SEC14L1: variants seen among roughly 807,000 people sequenced by gnomAD.
SEC14L1 encodes the protein SEC14-like protein 1.
In SEC14L1, 48 loss-of-function variants were observed where a neutral mutation model predicts 85.3. That is an observed-to-expected ratio of 0.56 (90% CI 0.45 to 0.72). The LOEUF is 0.72. Among genes scored for constraint, SEC14L1 ranks in the 30% least tolerant of loss-of-function variants. The pLI, the probability that SEC14L1 is intolerant of heterozygous loss-of-function variation, is 0.00. For synonymous variants in SEC14L1, 391 were observed against 355.5 expected (o/e 1.10, Z -1.12); for missense variants, 682 against 921.4 (o/e 0.74, Z 3.36).
At chr17:77,117,924 T>G (rs949737089) in intron 3 of SEC14L1, among the ~76,000 whole-genome samples, 4 of 150,972 alleles carry the variant, frequency 2.6e-5, no homozygotes, top group Non-Finnish European at 4.4e-5. Context: ...ATCCCTCACC[T>G]CCCCCTACAC....
At chr17:77,145,053 T>G (rs1382143094) in intron 3 of SEC14L1, 1 of 152,036 alleles carries the variant, frequency 6.6e-6, no homozygotes. Flanking sequence ...CGATTACAGG[T>G]GCCTGCCCCC....
At position 77,214,399 on chromosome 17, in the gene SEC14L1, C is replaced by T; in HGVS notation, c.*376C>T. ...ATTAGTGAATGAATTCCTGTGACAT[C>T]CTCCAGAGATGGCCCCTCCTCACCT... On this transcript the variant is annotated 3_prime_UTR_variant, in exon 17 of 17. Coordinates refer to ENST00000436233, the MANE Select transcript of SEC14L1 (RefSeq NM_001143998.2). 3.0e-6 allele frequency: 3 copies of T among 1,006,154 alleles called. No homozygotes were observed. The highest frequency in any genetic ancestry group is 4.1e-5 in the South Asian group (1 of 24,324). The allele number at this position is 1,006,154 out of a possible 1,614,324, so 62.3% of individuals were successfully genotyped here.
Position 77,206,987 on chromosome 17 carries a change from T to A in SEC14L1, c.1476+125T>A, listed in dbSNP as rs771802190. On this transcript the variant is annotated intron_variant, in intron 13 of 16. Transcript: ENST00000436233. The surrounding 1 kb of genome is among the most constrained non-coding windows in gnomAD (Gnocchi z 4.3). ...GGATGTTTTGTTTTTGTTTTGTTTC[T>A]TTTGGCCGCCATTTCTCTGATCCAG... 1.0e-4 allele frequency: 108 copies of A among 1,040,344 alleles called. 1 individual carries two copies. Among genetic ancestry groups the A allele is most frequent in the Middle Eastern group, 9.5e-4 (4 of 4,214 alleles). 64.4% of individuals were successfully genotyped at this position (1,040,344 alleles called of 1,614,324 possible). A position where few individuals can be genotyped will look rare whatever the true frequency, so the allele number is the denominator to read the frequency against.
chr17:77,211,871 C>G (rs925770525), intron 14 of SEC14L1, 79 bp from the exon 15 acceptor site: 1 of 1,563,080 alleles, frequency 6.4e-7, no homozygotes. Flanking sequence ...CCCTGGATCC[C>G]CTGGAGAGCA....
At chr17:77,133,256 A>C (rs905812717) in intron 3 of SEC14L1, among the ~76,000 whole-genome samples, 1 of 151,866 alleles carries the variant, frequency 6.6e-6, no homozygotes, top group Non-Finnish European at 1.5e-5. Context: ...AATTTCAGTG[A>C]CTCCTGATAT....
intron 3 of SEC14L1, among the ~76,000 whole-genome samples, chr17:77,180,883 A>G (rs1975004338): frequency 6.6e-6 from 1 of 152,204 alleles, no homozygotes. Context: ...ATGCAATTTG[A>G]AACCTCGGTT....
At chr17:77,168,750 G>A (rs1208502667) in intron 3 of SEC14L1, among the ~76,000 whole-genome samples, 1 of 152,094 alleles carries the variant, frequency 6.6e-6, no homozygotes, top group Non-Finnish European at 1.5e-5. Context: ...TTTTCCCAGG[G>A]CATTTGGCTG....
intron 3 of SEC14L1, among the ~76,000 whole-genome samples, chr17:77,119,457 GTTAAA>G (rs953730219): frequency 6.6e-6 from 1 of 152,104 alleles, no homozygotes; most frequent in African/African-American, 2.4e-5. Context: ...CCTCATTGGC[GTTAAA>G]TTAAACAAAG....
At chr17:77,108,541 A>G (rs905957105) in intron 3 of SEC14L1, among the ~76,000 whole-genome samples, 23 of 152,232 alleles carry the variant, frequency 1.5e-4, no homozygotes, top group South Asian at 1.5e-3. Flanking sequence ...GTTTGAGACC[A>G]GCTTGGGCAA....
chr17:77,173,721 G>A (rs984131432), intron 3 of SEC14L1, among the ~76,000 whole-genome samples: 2 of 152,158 alleles, frequency 1.3e-5, no homozygotes, highest in Non-Finnish European at 2.9e-5. Context: ...TTTATCATTT[G>A]TTGCTTTTTC....
chr17:77,147,090 G>A (rs745509844), intron 3 of SEC14L1, among the ~76,000 whole-genome samples: 1 of 152,350 alleles, frequency 6.6e-6, no homozygotes. Context: ...GCACGGTGGC[G>A]GCAGGAGTGG....
At chr17:77,203,324 A>G (rs1024458433) in intron 9 of SEC14L1, among the ~76,000 whole-genome samples, 16 of 151,960 alleles carry the variant, frequency 1.1e-4, no homozygotes, top group Admixed American at 7.9e-4. Context: ...ACAGCCTTCT[A>G]TTTCCAGGAC....
Position 77,215,591 on chromosome 17 carries a change from G to A in SEC14L1, c.*1568G>A, listed in dbSNP as rs2143256286. 2.0e-6 allele frequency: 2 copies of A among 988,028 alleles called. No individual in the cohort carries two copies. The highest frequency in any genetic ancestry group is 5.2e-4 in the Middle Eastern group (1 of 1,924). 61.2% of individuals were successfully genotyped at this position (988,028 alleles called of 1,614,324 possible). On this transcript the variant is annotated 3_prime_UTR_variant, in exon 17 of 17. Coordinates refer to ENST00000436233, the MANE Select transcript of SEC14L1 (RefSeq NM_001143998.2). ...CCCGGTCGGGTCAGCCCTAGTGGCT[G>A]CCTGCACACTGTAGACGTCCCAGGG...
intron 1 of SEC14L1, among the ~76,000 whole-genome samples, chr17:77,142,400 CCTT>C (rs748870213): frequency 2.6e-5 from 4 of 151,698 alleles, no homozygotes; most frequent in South Asian, 2.1e-4. Flanking sequence ...CATGGGGAAA[CCTT>C]CTACAAAAAA....
chr17:77,094,816 G>A (rs1307359176), intron 3 of SEC14L1: 2 of 152,196 alleles, frequency 1.3e-5, no homozygotes, highest in South Asian at 2.1e-4. Flanking sequence ...CCACTCACAA[G>A]AGTGTATACC....
At chr17:77,179,843 T>A (rs991543869) in intron 3 of SEC14L1, among the ~76,000 whole-genome samples, 10 of 151,086 alleles carry the variant, frequency 6.6e-5, no homozygotes, top group African/African-American at 2.4e-4. Context: ...CCCGGCTAAT[T>A]TTTTTTTGTA....
chr17:77,175,694 T>G (rs1236778209), intron 3 of SEC14L1, among the ~76,000 whole-genome samples: 1 of 152,164 alleles, frequency 6.6e-6, no homozygotes, highest in Admixed American at 6.5e-5. Flanking sequence ...AAATTTGTTT[T>G]TTCTTCTCCC....
intron 3 of SEC14L1, among the ~76,000 whole-genome samples, chr17:77,182,639 T>G (rs901252285): frequency 6.6e-6 from 1 of 152,196 alleles, no homozygotes; most frequent in Non-Finnish European, 1.5e-5. Flanking sequence ...TCGTCCAGCC[T>G]TTCTTGACTG....
rs768996073 is a variant in SEC14L1 at position 77,193,534 on chromosome 17, C to G, written c.459C>G (p.Thr153=). 8 of 1,610,158 alleles carry G rather than the reference C, an allele frequency of 5.0e-6. No individual in the cohort carries two copies. The South Asian group carries it at 6.6e-5, about 13-fold the overall frequency. Reference sequence around the variant, plus strand: ...AAAAAATTGCAATGAAACAATATACCAGCAACATTAAAAAAGTGAGTGTAT... The same window carrying G: ...AAAAAATTGCAATGAAACAATATACGAGCAACATTAAAAAAGTGAGTGTAT... ...TVEKIAMKQY[T]SNIKKGKEII... is the part of the protein sequence containing the mutation. Residue 153 remains threonine (T), a synonymous_variant, in exon 6 of 17, where the codon ACC becomes ACG. Coordinates refer to ENST00000436233, the MANE Select transcript of SEC14L1 (RefSeq NM_001143998.2).
Sources: allele counts gnomAD v4.1 joint callset (sites outside exome capture counted in the v4.1 genomes callset), GRCh38; gene constraint gnomAD v4.1.1; non-coding constraint Gnocchi (gnomAD v3.1); transcripts MANE v1.5; gene names NCBI Gene and HGNC (gene_info 2026-07-23, HGNC 2026-07-21).